Variants in CCDC3 observed in about 807,000 individuals in gnomAD.
The protein encoded by CCDC3 is coiled-coil domain-containing protein 3.
A neutral mutation model predicts 21.4 loss-of-function variants in CCDC3; 24 were observed. The observed-to-expected ratio is 1.12, with a 90% CI of 0.81 to 1.58. The LOEUF (loss-of-function observed/expected upper bound fraction) is 1.58, where lower values mean the gene tolerates loss of function less well. Among genes scored for constraint, CCDC3 ranks in the 40% most tolerant of loss-of-function variants. The pLI is 0.00. For synonymous variants in CCDC3, 186 were observed against 166.0 expected, an observed-to-expected ratio of 1.12 and a Z score of -0.93; for missense variants, 425 against 360.9, an observed-to-expected ratio of 1.18 and a Z score of -1.44.
At chr10:13,064,664 T>C (rs1168198424) in intron 4 of CCDC3, among the ~76,000 whole-genome samples, 1 of 152,150 alleles carries the variant, frequency 6.6e-6, no homozygotes, top group African/African-American at 2.4e-5. Flanking sequence ...TGGGTGCCTG[T>C]AGTCCTAGCT....
At chr10:13,005,305 T>A (rs1046697034), upstream of CCDC3, among the ~76,000 whole-genome samples, 1 of 152,184 alleles carries the variant, frequency 6.6e-6, no homozygotes, top group South Asian at 2.1e-4. Flanking sequence ...ACCATATGAG[T>A]GGAAGAGGCA....
intron 4 of CCDC3, among the ~76,000 whole-genome samples, chr10:13,070,896 A>T (rs1407584832): frequency 6.6e-6 from 1 of 152,210 alleles, no homozygotes; most frequent in Non-Finnish European, 1.5e-5. Flanking sequence ...TAGGTTCTAG[A>T]TTCATTCATT....
intron 2 of CCDC3, among the ~76,000 whole-genome samples, chr10:12,971,821 G>C (rs1835347815): frequency 6.6e-6 from 1 of 152,116 alleles, no homozygotes; most frequent in Non-Finnish European, 1.5e-5. Context: ...CAAGTCGCTG[G>C]AATTACAGGT....
intron 2 of CCDC3, among the ~76,000 whole-genome samples, chr10:12,971,891 G>A (rs930959647): frequency 7.2e-5 from 11 of 152,002 alleles, no homozygotes; most frequent in Admixed American, 3.3e-4. Flanking sequence ...GTTTCACTAC[G>A]TTGGCCAGGC....
At chr10:13,013,834 C>T (rs982832102) in intron 5 of CCDC3, among the ~76,000 whole-genome samples, 1 of 152,196 alleles carries the variant, frequency 6.6e-6, no homozygotes, top group African/African-American at 2.4e-5. Flanking sequence ...GACCCTGTAG[C>T]TGTTCCAGAT....
intron 5 of CCDC3, among the ~76,000 whole-genome samples, chr10:13,026,586 A>G (rs894423143): frequency 6.6e-6 from 1 of 152,230 alleles, no homozygotes. Context: ...TTTTTCACAT[A>G]GCAATAGAAA....
At chr10:12,963,812 C>G (rs141299553) in intron 2 of CCDC3, among the ~76,000 whole-genome samples, 3 of 151,936 alleles carry the variant, frequency 2.0e-5, no homozygotes, top group African/African-American at 7.3e-5. Context: ...AAACTCCTGA[C>G]CTGAAAGTGA....
chr10:12,931,497 G>A (rs972517102), intron 2 of CCDC3, among the ~76,000 whole-genome samples: 2 of 152,192 alleles, frequency 1.3e-5, no homozygotes, highest in Non-Finnish European at 2.9e-5. Flanking sequence ...TCTGAAAGGT[G>A]CAAGTGGAAG....
chr10:12,986,499 G>A (rs1203701755), intron 2 of CCDC3, among the ~76,000 whole-genome samples: 4 of 152,142 alleles, frequency 2.6e-5, no homozygotes. Context: ...TGTAGGCCGG[G>A]CACAGTGGTT....
chr10:12,979,446 G>T (rs1430023405), intron 2 of CCDC3, among the ~76,000 whole-genome samples: 1 of 151,866 alleles, frequency 6.6e-6, no homozygotes. Flanking sequence ...AGGCTGGAGT[G>T]CAGTGGCATG....
chr10:13,000,291 C>T lies in CCDC3; in HGVS notation c.374+906G>A, dbSNP rs548340265. ...CTCTCCAAATTCCAACTGAAGCTAA[C>T]CAAAGAATTTAGAGTTCTACCTGGC... On this transcript the variant is annotated intron_variant, in intron 1 of 2. Coordinates refer to ENST00000378825, the MANE Select transcript of CCDC3 (RefSeq NM_031455.4). 2.1e-4 allele frequency among the ~76,000 whole-genome samples: 32 copies of T among 152,262 alleles called. No individual in the cohort carries two copies. The South Asian group carries it at 6.6e-3, about 32-fold the overall frequency.
rs1834030626 is a variant in CCDC3 at position 12,898,167 on chromosome 10, C to T, written c.*249G>A. On this transcript the variant is annotated 3_prime_UTR_variant, in exon 3 of 3. Transcript: ENST00000378825. ...AGGCGAGCATTCAGCACTCAGGGAT[C>T]CCACTGCCTCTGGACTGCCAGGCAC... 1.9e-6 allele frequency: 1 copy of T among 527,828 alleles called. No homozygotes were observed. The highest frequency in any genetic ancestry group is 3.3e-6 in the Non-Finnish European group (1 of 299,310). The allele number at this position is 527,828 out of a possible 1,614,324, so 32.7% of individuals were successfully genotyped here.
chr10:13,096,500 A>C (rs1387096941), intron 3 of CCDC3, among the ~76,000 whole-genome samples: 1 of 152,096 alleles, frequency 6.6e-6, no homozygotes, highest in Non-Finnish European at 1.5e-5. Context: ...CCAGTTCTGC[A>C]GGGGTGTACG....
intron 2 of CCDC3, among the ~76,000 whole-genome samples, chr10:12,927,661 G>A (rs866991723): frequency 4.6e-5 from 7 of 152,120 alleles, no homozygotes; most frequent in Admixed American, 6.5e-5. Context: ...AAGCAATAAT[G>A]TAGACGCTTA....
intron 2 of CCDC3, among the ~76,000 whole-genome samples, chr10:12,908,680 G>A (rs1217788988): frequency 1.3e-5 from 2 of 149,922 alleles, no homozygotes; most frequent in African/African-American, 5.0e-5. Flanking sequence ...TGTGATCTCG[G>A]CTCCCAGGTT....
chr10:13,066,796 T>G (rs1182388772), intron 4 of CCDC3, among the ~76,000 whole-genome samples: 1 of 152,158 alleles, frequency 6.6e-6, no homozygotes, highest in Non-Finnish European at 1.5e-5. Context: ...TCAGTTCTTG[T>G]GTGGTGACCT....
intron 2 of CCDC3, among the ~76,000 whole-genome samples, chr10:12,947,966 C>T (rs1834942939): frequency 6.6e-6 from 1 of 152,178 alleles, no homozygotes; most frequent in Admixed American, 6.5e-5. Context: ...AATTGGAAGA[C>T]CCAAGCTTTG....
chr10:13,041,038 A>C (rs1836447637), intron 5 of CCDC3, among the ~76,000 whole-genome samples: 2 of 151,826 alleles, frequency 1.3e-5, no homozygotes, highest in Admixed American at 1.3e-4. Flanking sequence ...CTGAGGAACC[A>C]AAAAAATTAA....
chr10:12,928,852 T>C (rs984822406), intron 2 of CCDC3, among the ~76,000 whole-genome samples: 9 of 152,100 alleles, frequency 5.9e-5, no homozygotes, highest in East Asian at 1.9e-4. Context: ...AGGATCACCA[T>C]TGAAAAAGGT....
Sources: gnomAD v4.1 joint callset for allele counts (sites outside exome capture counted in the v4.1 genomes callset) on GRCh38, gnomAD v4.1.1 for gene constraint, MANE v1.5 for transcripts, NCBI Gene and HGNC (gene_info 2026-07-23, HGNC 2026-07-21) for gene names.